Variants in PRKG1 observed in about 807,000 individuals in gnomAD.
The protein encoded by PRKG1 is cGMP-dependent protein kinase 1.
PRKG1 carries 35 observed loss-of-function variants against 88.1 expected under a neutral mutation model. The observed-to-expected ratio is 0.40, with a 90% CI of 0.30 to 0.53. The LOEUF is 0.53. PRKG1 is among the 20% of genes least tolerant of loss of function. The pLI is 0.59. For synonymous variants in PRKG1, 303 were observed against 292.5 expected (o/e 1.04, Z -0.37); for missense variants, 540 against 839.8 (o/e 0.64, Z 4.41).
intron 5 of PRKG1, among the ~76,000 whole-genome samples, chr10:51,927,196 G>T (rs1200646213): frequency 1.3e-5 from 2 of 152,270 alleles, no homozygotes; most frequent in African/African-American, 4.8e-5. Flanking sequence ...GACCTGGTGG[G>T]AGATAATTGA....
chr10:52,187,413 A>T (rs1231996729), intron 9 of PRKG1, among the ~76,000 whole-genome samples: 1 of 152,188 alleles, frequency 6.6e-6, no homozygotes, highest in Non-Finnish European at 1.5e-5. Flanking sequence ...TAGGTAAAAA[A>T]AAAATTTATA....
At chr10:51,948,607 TG>T (rs1313354472) in intron 5 of PRKG1, among the ~76,000 whole-genome samples, 3 of 152,062 alleles carry the variant, frequency 2.0e-5, no homozygotes, top group African/African-American at 7.2e-5. Context: ...CTGTACTTTT[TG>T]TTATATTTAA....
At chr10:52,173,883 C>T (rs1236709827) in intron 9 of PRKG1, among the ~76,000 whole-genome samples, 2 of 152,002 alleles carry the variant, frequency 1.3e-5, no homozygotes, top group African/African-American at 2.4e-5. Context: ...AATTTAAGAC[C>T]GCTTTCAATT....
At chr10:52,086,498 A>G (rs1846918548) in intron 7 of PRKG1, among the ~76,000 whole-genome samples, 1 of 150,248 alleles carries the variant, frequency 6.7e-6, no homozygotes, top group Non-Finnish European at 1.5e-5. Flanking sequence ...TCTGCTTCCC[A>G]GATTGAAGCA....
rs182508146 is a variant in PRKG1 at position 51,544,324 on chromosome 10, C to T, written c.592+76488C>T. On this transcript the variant is annotated intron_variant, in intron 3 of 17. Transcript: ENST00000373980. ...TGCGGTGTTTGGTTTTCTGTCCTTGCGATAGTTTGCTGAGATTGATGGTTT... is the reference window on the plus strand; with the variant it reads ...TGCGGTGTTTGGTTTTCTGTCCTTGTGATAGTTTGCTGAGATTGATGGTTT... Among the ~76,000 whole-genome samples, 698 of 151,718 alleles carry T rather than the reference C, an allele frequency of 4.6e-3. 6 individuals are homozygous for T. Among genetic ancestry groups the T allele is most frequent in the African/African-American group, 0.015 (632 of 41,374 alleles).
At chr10:51,750,901 G>A (rs552386379) in intron 3 of PRKG1, among the ~76,000 whole-genome samples, 2 of 148,096 alleles carry the variant, frequency 1.4e-5, no homozygotes, top group African/African-American at 5.0e-5. Flanking sequence ...AAAAAAAAAA[G>A]TTCAAAGAAA....
Position 51,299,172 on chromosome 10 carries a change from G to T in PRKG1, c.478+145842G>T, listed in dbSNP as rs138501830. ...AATTTATTGCTTAAGACTTTAGCCA[G>T]TATCTCTTTTTGCCCATTCTTTTTA... On this transcript the variant is annotated intron_variant, in intron 2 of 17. Coordinates refer to ENST00000373980, the MANE Select transcript of PRKG1 (RefSeq NM_006258.4). Among the ~76,000 whole-genome samples the T allele has an allele frequency of 7.0e-3, 1,070 of 152,076 alleles. 11 individuals are homozygous for T. The highest frequency in any genetic ancestry group is 0.024 in the African/African-American group (982 of 41,490).
chr10:51,698,707 A>G, intron 3 of PRKG1: 1 of 1,614,198 alleles, frequency 6.2e-7, no homozygotes. Flanking sequence ...CTCCTCCAGG[A>G]GTTAAGGAAC....
intron 1 of PRKG1, among the ~76,000 whole-genome samples, chr10:51,148,846 A>T (rs1188550962): frequency 6.6e-6 from 1 of 152,200 alleles, no homozygotes; most frequent in Non-Finnish European, 1.5e-5. Context: ...GTAACATTTT[A>T]AAGTAAATTT....
chr10:51,605,194 G>C (rs149001894), intron 3 of PRKG1, among the ~76,000 whole-genome samples: 26 of 152,308 alleles, frequency 1.7e-4, no homozygotes, highest in African/African-American at 6.0e-4. Context: ...ACATCCAGCT[G>C]CTTGTGTCTG....
intron 2 of PRKG1, among the ~76,000 whole-genome samples, chr10:51,287,654 G>A (rs1840477167): frequency 6.6e-6 from 1 of 152,272 alleles, no homozygotes; most frequent in Non-Finnish European, 1.5e-5. Flanking sequence ...CTTAGAGAAG[G>A]TGGTCAGGGA....
intron 2 of PRKG1, among the ~76,000 whole-genome samples, chr10:51,364,288 T>C (rs1258547514): frequency 1.3e-5 from 2 of 151,990 alleles, no homozygotes; most frequent in Non-Finnish European, 2.9e-5. Flanking sequence ...GGATGGGCTC[T>C]TCAGCAGTCA....
At chr10:51,436,499 G>A (rs1327809067) in intron 2 of PRKG1, among the ~76,000 whole-genome samples, 2 of 151,962 alleles carry the variant, frequency 1.3e-5, no homozygotes, top group Non-Finnish European at 2.9e-5. Context: ...TGAGAAGGGT[G>A]TGACTAACAT....
At chr10:51,089,810 G>A (rs1241462534) in intron 1 of PRKG1, among the ~76,000 whole-genome samples, 1 of 152,164 alleles carries the variant, frequency 6.6e-6, no homozygotes, top group African/African-American at 2.4e-5. Context: ...TTATCAAAGA[G>A]TTAAGGTAAT....
intron 2 of PRKG1, among the ~76,000 whole-genome samples, chr10:51,211,218 A>G (rs9415778): frequency 3.3e-5 from 5 of 152,122 alleles, no homozygotes; most frequent in African/African-American, 7.2e-5. Flanking sequence ...CAAAAACCAC[A>G]TGACTATCTC....
intron 2 of PRKG1, among the ~76,000 whole-genome samples, chr10:51,422,373 G>A (rs1191027342): frequency 6.6e-6 from 1 of 152,196 alleles, no homozygotes; most frequent in Non-Finnish European, 1.5e-5. Flanking sequence ...AGCATGATGG[G>A]TAGTACAGAG....
rs984635668 is a variant in PRKG1, at chr10:52,289,020, A to C, written c.1895+27A>C. The C allele has an allele frequency of 2.5e-6, 4 of 1,573,428 alleles. No individual in the cohort carries two copies. The African/African-American group carries it at 5.5e-5, about 21-fold the overall frequency. On this transcript the variant is annotated intron_variant, in intron 16 of 17. Transcript: ENST00000373980. ...TAAGTGTTCTTTCTGCAGAGTTCTG[A>C]ACACGTGACATCATTTCCCCAGGGT...
chr10:51,609,556 C>T (rs1838850974), intron 3 of PRKG1, among the ~76,000 whole-genome samples: 2 of 152,138 alleles, frequency 1.3e-5, no homozygotes, highest in South Asian at 4.1e-4. Flanking sequence ...CATTGCAGCA[C>T]TATTCACAAT....
chr10:51,326,734 A>G (rs1026326732), intron 2 of PRKG1, among the ~76,000 whole-genome samples: 7 of 152,268 alleles, frequency 4.6e-5, no homozygotes, highest in African/African-American at 1.7e-4. Flanking sequence ...ATTTTAAAGA[A>G]TAGCTTTCCC....
Sources: gnomAD v4.1 joint callset for allele counts (sites outside exome capture counted in the v4.1 genomes callset) on GRCh38, gnomAD v4.1.1 for gene constraint, MANE v1.5 for transcripts, NCBI Gene and HGNC (gene_info 2026-07-23, HGNC 2026-07-21) for gene names.